Variants in UNC13A observed in about 807,000 individuals in gnomAD.
UNC13A encodes the protein unc-13 homolog A.
A neutral mutation model predicts 219.7 loss-of-function variants in UNC13A; 61 were observed. The observed-to-expected ratio is 0.28, with a 90% confidence interval of 0.23 to 0.34. The LOEUF (loss-of-function observed/expected upper bound fraction) is 0.34. Among genes scored for constraint, UNC13A ranks in the 10% least tolerant of loss-of-function variants. The pLI is 1.00. For missense variants in UNC13A, 1,476 were observed against 2,270.3 expected (o/e 0.65, Z 7.11); for synonymous variants, 920 against 884.6 (o/e 1.04, Z -0.71).
intron 4 of UNC13A, among the ~76,000 whole-genome samples, chr19:17,671,580 G>A (rs2079789104): frequency 6.6e-6 from 1 of 152,056 alleles, no homozygotes; most frequent in Non-Finnish European, 1.5e-5. Flanking sequence ...AAACCAGCCT[G>A]GGCAACATGG....
At chr19:17,623,363 AGCCCCGCCCCCTCCCCAT>A in intron 36 of UNC13A, 161 bp downstream of exon 36, 1 of 511,676 alleles carries the variant, frequency 2.0e-6, no homozygotes, top group Non-Finnish European at 3.4e-6. Context: ...CCTCCCTCCC[AGCCCCGCCCCCTCCCCAT>A]GCCCCGCCCC....
In UNC13A at chr19:17,651,534, G is replaced by A. The variant is rs377113154; in HGVS notation, c.1439+1097C>T. 3.9e-4 allele frequency among the ~76,000 whole-genome samples: 59 copies of A among 152,268 alleles called. No homozygotes were observed. The East Asian group carries it at 6.2e-3, about 16-fold the overall frequency. ...AGCCACCAAGCCTGGCCCCGAAAAGGTTTTCACTGGCCAGTGAGATAGGTG... is the reference window on the plus strand; with the variant it reads ...AGCCACCAAGCCTGGCCCCGAAAAGATTTTCACTGGCCAGTGAGATAGGTG... On this transcript the variant is annotated intron_variant, in intron 12 of 43. Coordinates refer to ENST00000519716, the MANE Select transcript of UNC13A (RefSeq NM_001080421.3).
At chr19:17,675,861 C>T (rs1378243497) in intron 2 of UNC13A, 151 bp downstream of exon 2, 2 of 1,057,862 alleles carry the variant, frequency 1.9e-6, no homozygotes, top group Non-Finnish European at 1.4e-6. Flanking sequence ...ATGGCTGCCC[C>T]TCCCCCTATT....
At chr19:17,669,733 G>A in intron 4 of UNC13A, 57 bp from the exon 5 acceptor site, 4 of 1,543,474 alleles carry the variant, frequency 2.6e-6, no homozygotes. Flanking sequence ...CTAGTCCCCA[G>A]GGCCCCTACT....
At chr19:17,621,109 A>C (rs1034683689) in intron 37 of UNC13A, among the ~76,000 whole-genome samples, 1 of 152,112 alleles carries the variant, frequency 6.6e-6, no homozygotes, top group African/African-American at 2.4e-5. Flanking sequence ...ACATATTAAC[A>C]TATACTGTAA....
chr19:17,642,083 C>A (rs1379698744), intron 20 of UNC13A, among the ~76,000 whole-genome samples: 2 of 151,368 alleles, frequency 1.3e-5, no homozygotes, highest in African/African-American at 4.9e-5. Flanking sequence ...TGACTATCAA[C>A]AAATTCACCT....
chr19:17,668,042 A>G (rs944198795), intron 6 of UNC13A, 75 bp downstream of exon 6: 2 of 1,463,392 alleles, frequency 1.4e-6, no homozygotes, highest in Non-Finnish European at 1.9e-6. Context: ...GAGAAACAGC[A>G]TCTGTAAGTG....
At chr19:17,681,159 A>G (rs2080010840) in intron 1 of UNC13A, among the ~76,000 whole-genome samples, 1 of 146,096 alleles carries the variant, frequency 6.8e-6, no homozygotes, top group East Asian at 2.0e-4. Flanking sequence ...CGGCCTCCCA[A>G]AGTGTTGGAA....
In UNC13A at chr19:17,630,187, G is replaced by C; in HGVS notation, c.3627C>G (p.Pro1209=). The change falls in exon 30 of 44, where the codon CCC becomes CCG. Residue 1209 remains proline (P), a synonymous_variant. Coordinates refer to ENST00000519716, the MANE Select transcript of UNC13A (RefSeq NM_001080421.3). Reference sequence around the variant, plus strand: ...TGTAGTGCCCCACGATCTGAGGGTCGGGACACTCGAGTTTCTTGATGATTT... The same window carrying C: ...TGTAGTGCCCCACGATCTGAGGGTCCGGACACTCGAGTTTCTTGATGATTT... ...SFEIIKKLEC[P]DPQIVGHYMR... 5 of 1,552,204 alleles carry C rather than the reference G, an allele frequency of 3.2e-6. No homozygotes were observed. The highest frequency in any genetic ancestry group is 4.4e-6 in the Non-Finnish European group (5 of 1,147,176).
intron 30 of UNC13A, 131 bp downstream of exon 30, chr19:17,630,014 A>T: frequency 1.8e-6 from 2 of 1,096,582 alleles, no homozygotes; most frequent in Non-Finnish European, 2.6e-6. Context: ...CCAAACTCCA[A>T]CTTCAATCCC....
chr19:17,671,320 G>A (rs1224987914), intron 4 of UNC13A, among the ~76,000 whole-genome samples: 3 of 152,144 alleles, frequency 2.0e-5, no homozygotes, highest in Non-Finnish European at 4.4e-5. Flanking sequence ...GGGGAGATGA[G>A]GCTAGTGGGC....
chr19:17,644,178 AT>A (rs2076999134), intron 19 of UNC13A, among the ~76,000 whole-genome samples: 1 of 151,684 alleles, frequency 6.6e-6, no homozygotes, highest in African/African-American at 2.4e-5. Flanking sequence ...TTTAGACTGG[AT>A]TCTTTTCTTG....
At position 17,652,521 on chromosome 19, in the gene UNC13A, T is replaced by G. The variant is rs1377818180; in HGVS notation, c.1439+110A>C. The G allele has an allele frequency of 2.2e-6, 3 of 1,375,364 alleles. No individual in the cohort carries two copies. In the African/African-American group the frequency reaches 4.3e-5, roughly 20 times the overall value. 85.2% of individuals were successfully genotyped at this position (1,375,364 alleles called of 1,614,324 possible). On this transcript the variant is annotated intron_variant, in intron 12 of 43. Coordinates refer to ENST00000519716, the MANE Select transcript of UNC13A (RefSeq NM_001080421.3). ...TTTTGCCCAAGCTCAATCTGTCCCCTGTCTAAATGGAACCCCTCCTCCTCC... is the reference window on the plus strand; with the variant it reads ...TTTTGCCCAAGCTCAATCTGTCCCCGGTCTAAATGGAACCCCTCCTCCTCC...
rs536664203 is a variant in UNC13A, at chr19:17,632,929, T to A, written c.3302-21A>T. 4.7e-5 allele frequency: 76 copies of A among 1,613,752 alleles called. No homozygotes were observed. In the Admixed American group the frequency reaches 1.2e-3, roughly 27 times the overall value. ...GTGCTCTGGCCAGGGACAAAGAGGA[T>A]GGCACAGCTGGAAGGGTCTGCCACC... is the stretch of plus-strand genomic sequence containing the variant. On this transcript the variant is annotated intron_variant, in intron 27 of 43. Coordinates refer to ENST00000519716, the MANE Select transcript of UNC13A (RefSeq NM_001080421.3).
rs770698240 is a variant in UNC13A, at chr19:17,630,763, G to A, written c.3429-13C>T. 1 of 1,612,244 alleles carries A rather than the reference G, an allele frequency of 6.2e-7. No individual in the cohort carries two copies. Among genetic ancestry groups the A allele is most frequent in the Non-Finnish European group, 8.5e-7 (1 of 1,178,874 alleles). ...GGGTTCAAACCATCTGGAATGAAGAGCCGGGGTGGGGCTCTGCCACCTCTT... is the reference window on the plus strand; with the variant it reads ...GGGTTCAAACCATCTGGAATGAAGAACCGGGGTGGGGCTCTGCCACCTCTT... On this transcript the variant is annotated splice_polypyrimidine_tract_variant and intron_variant, in intron 28 of 43. Coordinates refer to ENST00000519716, the MANE Select transcript of UNC13A (RefSeq NM_001080421.3).
At chr19:17,616,926 C>T (rs2076672068) in intron 41 of UNC13A, among the ~76,000 whole-genome samples, 1 of 152,182 alleles carries the variant, frequency 6.6e-6, no homozygotes, top group South Asian at 2.1e-4. Flanking sequence ...GGAATCCTGC[C>T]CTCCATCCAG....
At chr19:17,632,230 A>G (rs1948118045) in intron 28 of UNC13A, among the ~76,000 whole-genome samples, 1 of 152,064 alleles carries the variant, frequency 6.6e-6, no homozygotes, top group South Asian at 2.1e-4. Flanking sequence ...ATTTTTGTAG[A>G]GCTGGGGTTT....
At position 17,655,699 on chromosome 19, in the gene UNC13A, G is replaced by A. The variant is rs114834403; in HGVS notation, c.1283+184C>T. 5.2e-3 allele frequency among the ~76,000 whole-genome samples: 787 copies of A among 151,230 alleles called. 10 individuals carry two copies. The highest frequency in any genetic ancestry group is 0.018 in the African/African-American group (747 of 41,108). ...ATCACAAACTCTAAGTCTCCTTCACGGCCCCTTGAACCCTCTTTGACCTCC... is the reference window on the plus strand; with the variant it reads ...ATCACAAACTCTAAGTCTCCTTCACAGCCCCTTGAACCCTCTTTGACCTCC... On this transcript the variant is annotated intron_variant, in intron 10 of 43. Transcript: ENST00000519716.
Position 17,604,920 on chromosome 19 carries a change from CCTT to C in UNC13A, c.*1131_*1133del, listed in dbSNP as rs2076505164. On this transcript the variant is annotated 3_prime_UTR_variant, in exon 44 of 44. Transcript: ENST00000519716. ...TTCTCCCCCCTAGAGTTTCTGGTCTCCTTCTGTTCTTTCCTATTTGGAAAATTC... is the reference window on the plus strand; with the variant it reads ...TTCTCCCCCCTAGAGTTTCTGGTCTCCTGTTCTTTCCTATTTGGAAAATTC... The C allele has an allele frequency of 6.6e-6, 1 of 152,544 alleles. No individual in the cohort carries two copies. The highest frequency in any genetic ancestry group is 6.5e-5 in the Admixed American group (1 of 15,274). 9.4% of individuals were successfully genotyped at this position (152,544 alleles called of 1,614,324 possible).
Sources: allele counts gnomAD v4.1 joint callset (sites outside exome capture counted in the v4.1 genomes callset), GRCh38; gene constraint gnomAD v4.1.1; transcripts MANE v1.5; gene names NCBI Gene and HGNC (gene_info 2026-07-23, HGNC 2026-07-21).